Variants in RAPGEF1 observed in about 807,000 individuals in gnomAD.
The protein encoded by RAPGEF1 is CRK SH3-binding GNRP.
A neutral mutation model predicts 143.3 loss-of-function variants in RAPGEF1; 33 were observed. That is an observed-to-expected ratio of 0.23 (90% CI 0.17 to 0.31). The LOEUF (loss-of-function observed/expected upper bound fraction) is 0.31, where lower values mean the gene tolerates loss of function less well. Among genes scored for constraint, RAPGEF1 ranks in the 10% least tolerant of loss-of-function variants. RAPGEF1 has a pLI of 1.00. For synonymous variants in RAPGEF1, 629 were observed against 676.5 expected (o/e 0.93, Z 1.09); for missense variants, 1,199 against 1,645.4 (o/e 0.73, Z 4.69).
chr9:131,668,227 T>C (rs1037808496), intron 1 of RAPGEF1, among the ~76,000 whole-genome samples: 1 of 152,148 alleles, frequency 6.6e-6, no homozygotes, highest in Admixed American at 6.5e-5. Flanking sequence ...AGATGCTGCT[T>C]GAGGGGATGG....
Position 131,626,033 on chromosome 9 carries a change from G to C in RAPGEF1, c.1591C>G (p.Gln531Glu), listed in dbSNP as rs577538218. The change falls in exon 10 of 27, where the codon CAG (glutamine) becomes GAG (glutamate). Residue 531 changes from glutamine to glutamate, a missense_variant. Around this residue, in one of 6 missense-constraint regions of RAPGEF1, gnomAD observed 613 missense variants for 710.9 expected, o/e 0.86. Coordinates refer to ENST00000683357, the MANE Select transcript of RAPGEF1 (RefSeq NM_001377935.1). ...YAPFAAILPF[Q>E]HGGSSAPVEF... The stretch of plus-strand genomic sequence containing the variant: ...ACAGGGGCTGAGGAACCTCCATGCT[G>C]AAAGGGCAGAATAGCAGCAAAGGGC... 3.2e-5 allele frequency: 51 copies of C among 1,612,710 alleles called. No individual in the cohort carries two copies. Among genetic ancestry groups the C allele is most frequent in the South Asian group, 2.5e-4 (23 of 91,074 alleles).
chr9:131,722,641 C>T (rs1327647384), intron 1 of RAPGEF1, among the ~76,000 whole-genome samples: 3 of 152,240 alleles, frequency 2.0e-5, no homozygotes, highest in African/African-American at 4.8e-5. Flanking sequence ...GGGCCCAGTA[C>T]AGCTGAAAGG....
chr9:131,672,981 G>A (rs1401224218), intron 1 of RAPGEF1, among the ~76,000 whole-genome samples: 4 of 152,152 alleles, frequency 2.6e-5, no homozygotes, highest in African/African-American at 9.7e-5. Flanking sequence ...AGAACCAGGG[G>A]GCCAAAGCCA....
chr9:131,589,362 C>T (rs148142277), intron 19 of RAPGEF1, among the ~76,000 whole-genome samples: 109 of 152,360 alleles, frequency 7.2e-4, no homozygotes, highest in African/African-American at 2.4e-3. Flanking sequence ...CCCAACTTGC[C>T]CTGCTGAGCA....
chr9:131,614,761 C>A (rs966548459), intron 12 of RAPGEF1, among the ~76,000 whole-genome samples: 15 of 152,178 alleles, frequency 9.9e-5, no homozygotes, highest in Admixed American at 6.5e-4. Flanking sequence ...AATGGGATGC[C>A]AGCTGCTCTG....
chr9:131,591,301 C>T (rs922425563), intron 18 of RAPGEF1, among the ~76,000 whole-genome samples: 6 of 152,304 alleles, frequency 3.9e-5, no homozygotes, highest in Admixed American at 1.3e-4. Flanking sequence ...GGAGCGGGGG[C>T]GCGGGTGGAC....
In RAPGEF1 at chr9:131,641,440, G is replaced by A. The variant is rs540708331; in HGVS notation, c.494+1799C>T. 1.3e-5 allele frequency among the ~76,000 whole-genome samples: 2 copies of A among 152,094 alleles called. No individual in the cohort carries two copies. Among genetic ancestry groups the A allele is most frequent in the Non-Finnish European group, 2.9e-5 (2 of 68,016 alleles). ...TCCAACTGCTGCTTTCCCTCAGGTC[G>A]GGCTCCAGGAACTACTCAGTCAAGA... On this transcript the variant is annotated intron_variant, in intron 4 of 26. Coordinates refer to ENST00000683357, the MANE Select transcript of RAPGEF1 (RefSeq NM_001377935.1). The surrounding 1 kb of genome is among the most constrained non-coding windows in gnomAD (Gnocchi z 4.6).
chr9:131,696,931 T>G (rs981858812), intron 1 of RAPGEF1, among the ~76,000 whole-genome samples: 1 of 152,252 alleles, frequency 6.6e-6, no homozygotes, highest in Non-Finnish European at 1.5e-5. Flanking sequence ...TGTCAAGCAT[T>G]CTCGTATTCA....
chr9:131,728,920 T>A (rs1836844810), intron 1 of RAPGEF1, among the ~76,000 whole-genome samples: 1 of 152,180 alleles, frequency 6.6e-6, no homozygotes, highest in African/African-American at 2.4e-5. Flanking sequence ...ACTGTTAGGA[T>A]TTTCCCCATT....
intron 1 of RAPGEF1, among the ~76,000 whole-genome samples, chr9:131,679,252 G>A (rs1417297673): frequency 1.3e-5 from 2 of 152,192 alleles, no homozygotes; most frequent in South Asian, 2.1e-4. Context: ...TGACCTCAGG[G>A]AAGACAAGCC....
intron 22 of RAPGEF1, among the ~76,000 whole-genome samples, chr9:131,586,258 A>T (rs1371316818): frequency 2.3e-4 from 2 of 8,864 alleles, no homozygotes; most frequent in African/African-American, 7.5e-4. Flanking sequence ...TCTGTCTCAA[A>T]CACACACACA....
At chr9:131,610,005 T>C (rs1011939626) in intron 12 of RAPGEF1, among the ~76,000 whole-genome samples, 3 of 152,212 alleles carry the variant, frequency 2.0e-5, no homozygotes, top group Non-Finnish European at 4.4e-5. Flanking sequence ...CAACTGATTC[T>C]CCTGCCTCAG....
At chr9:131,613,873 A>T (rs1158906953) in intron 12 of RAPGEF1, among the ~76,000 whole-genome samples, 1 of 152,128 alleles carries the variant, frequency 6.6e-6, no homozygotes, top group African/African-American at 2.4e-5. Flanking sequence ...GGTAGACCAC[A>T]CCCTTGAGGG....
chr9:131,604,634 C>G (rs190772541), intron 13 of RAPGEF1, among the ~76,000 whole-genome samples: 1 of 152,306 alleles, frequency 6.6e-6, no homozygotes, highest in African/African-American at 2.4e-5. Context: ...CTGATAAGTT[C>G]CTCTCTAAAT....
At chr9:131,587,702 A>G in intron 22 of RAPGEF1, 34 bp downstream of exon 22, 2 of 1,598,446 alleles carry the variant, frequency 1.3e-6, no homozygotes, top group Non-Finnish European at 1.7e-6. Flanking sequence ...GCCACCATCC[A>G]GAGCAACAGG....
chr9:131,696,484 T>C (rs1200209361), intron 1 of RAPGEF1, among the ~76,000 whole-genome samples: 1 of 152,250 alleles, frequency 6.6e-6, no homozygotes, highest in African/African-American at 2.4e-5. Flanking sequence ...TGACCTCCGA[T>C]GTACACTGTA....
intron 1 of RAPGEF1, among the ~76,000 whole-genome samples, chr9:131,727,025 T>C (rs1313261739): frequency 3.9e-5 from 6 of 152,064 alleles, no homozygotes; most frequent in Non-Finnish European, 8.8e-5. Context: ...AAAATACAAC[T>C]GTATATCCCC....
intron 1 of RAPGEF1, among the ~76,000 whole-genome samples, chr9:131,668,989 T>C (rs994370394): frequency 3.3e-5 from 5 of 152,168 alleles, no homozygotes; most frequent in Non-Finnish European, 7.3e-5. Flanking sequence ...ATCTCAGCAC[T>C]CCAACAGTGC....
intron 12 of RAPGEF1, among the ~76,000 whole-genome samples, chr9:131,614,147 C>G (rs565776906): frequency 2.0e-5 from 3 of 152,044 alleles, no homozygotes; most frequent in East Asian, 1.9e-4. Flanking sequence ...AACACCCCCC[C>G]CCAAGGAGGG....
Sources: allele counts gnomAD v4.1 joint callset (sites outside exome capture counted in the v4.1 genomes callset), GRCh38; gene constraint gnomAD v4.1.1; regional missense constraint gnomAD v4.1.1; non-coding constraint Gnocchi (gnomAD v3.1); transcripts MANE v1.5; gene names NCBI Gene and HGNC (gene_info 2026-07-23, HGNC 2026-07-21).